Variants in DIAPH2 observed in about 807,000 individuals in gnomAD.
The protein encoded by DIAPH2 is diaphanous related formin 2, also known as protein diaphanous homolog 2.
Under a neutral mutation model 92.7 loss-of-function variants are expected in DIAPH2, and 35 were observed. The ratio of observed to expected loss-of-function variants is 0.38; its 90% CI spans 0.29 to 0.50. DIAPH2 has a LOEUF of 0.50. Among genes scored for constraint, DIAPH2 ranks in the 20% least tolerant of loss-of-function variants. The probability of loss-of-function intolerance (pLI) is 0.94; values close to 1 mark genes in which losing one functional copy is unlikely to be tolerated. For synonymous variants in DIAPH2, 301 were observed against 280.4 expected (o/e 1.07, Z -0.73); for missense variants, 701 against 819.5 (o/e 0.86, Z 1.77).
chrX:97,355,541 A>T (rs918470146), intron 24 of DIAPH2, among the ~76,000 whole-genome samples: 2 of 111,595 alleles, frequency 1.8e-5, no homozygotes, highest in Admixed American at 1.9e-4. Context: ...AATTTCTATT[A>T]GATGCCTCAT....
At chrX:96,893,679 C>G (rs190834299) in intron 5 of DIAPH2, among the ~76,000 whole-genome samples, 172 of 112,220 alleles carry the variant, frequency 1.5e-3, no homozygotes, top group Admixed American at 3.6e-3. Flanking sequence ...TTCTAGTAAT[C>G]TAACCTGCTA....
intron 22 of DIAPH2, 62 bp from the exon 23 acceptor site, chrX:97,247,653 T>C (rs2068153494): frequency 9.3e-6 from 10 of 1,074,498 alleles, no homozygotes; most frequent in South Asian, 7.1e-5. Context: ...TAATGTCTCC[T>C]TTTAGATGTT....
intron 23 of DIAPH2, among the ~76,000 whole-genome samples, chrX:97,339,399 C>T (rs761805740): frequency 9.0e-5 from 10 of 110,525 alleles, no homozygotes; most frequent in Non-Finnish European, 1.5e-4. Flanking sequence ...CCTGTAATCC[C>T]GGCTACATGG....
intron 22 of DIAPH2, among the ~76,000 whole-genome samples, chrX:97,155,391 C>T (rs757159680): frequency 2.7e-5 from 3 of 109,880 alleles, no homozygotes; most frequent in Admixed American, 9.7e-5. Flanking sequence ...ATCCCAGCTA[C>T]TCAGGAGGCT....
rs1314311083 is a variant in DIAPH2 at position 96,910,542 on chromosome X, T to A, written c.588-1786T>A. 4.5e-5 allele frequency among the ~76,000 whole-genome samples: 5 copies of A among 111,499 alleles called. 1 individual carries two copies. The highest frequency in any genetic ancestry group is 3.8e-4 in the Admixed American group (4 of 10,444). The stretch of plus-strand genomic sequence containing the variant: ...ATGGATAAAGACTGGAATGGAATGG[T>A]TTAAATATAGACAGCATAGATGTTA... On this transcript the variant is annotated intron_variant, in intron 5 of 26. Coordinates refer to ENST00000324765, the MANE Select transcript of DIAPH2 (RefSeq NM_006729.5).
chrX:96,957,798 G>A (rs757148861), intron 15 of DIAPH2, 30 bp from the exon 16 acceptor site: 17 of 1,018,021 alleles, frequency 1.7e-5, no homozygotes, highest in African/African-American at 3.8e-5. Flanking sequence ...TATTTTATAA[G>A]CATTTAAACT....
At chrX:96,838,257 G>A (rs2064912100) in intron 4 of DIAPH2, among the ~76,000 whole-genome samples, 1 of 111,587 alleles carries the variant, frequency 9.0e-6, no homozygotes, top group African/African-American at 3.3e-5. Context: ...TGTCCCTGAA[G>A]GTAATTTCTT....
chrX:97,141,757 T>C lies in DIAPH2; in HGVS notation c.2682T>C (p.Phe894=). The C allele has an allele frequency of 8.3e-7, 1 of 1,205,939 alleles. No individual in the cohort carries two copies. Among genetic ancestry groups the C allele is most frequent in the Non-Finnish European group, 1.1e-6 (1 of 893,505 alleles). Residue 894 remains phenylalanine (F), a synonymous_variant, in exon 22 of 27, where the codon TTT becomes TTC. Transcript: ENST00000324765. ...AAAAATATCGAGATATCCTAAAATT[T>C]CCTGAAGAACTGGAACACGTAGAAA... The part of the protein sequence containing the change: ...CEEKYRDILK[F]PEELEHVESA...
At chrX:96,939,896 C>T (rs2065692963) in intron 12 of DIAPH2, among the ~76,000 whole-genome samples, 1 of 83,593 alleles carries the variant, frequency 1.2e-5, no homozygotes, top group Non-Finnish European at 2.2e-5. Context: ...ATCTCCTGAC[C>T]TCGTGATCCG....
intron 26 of DIAPH2, among the ~76,000 whole-genome samples, chrX:97,475,494 C>G (rs950283404): frequency 1.8e-5 from 2 of 111,823 alleles, no homozygotes; most frequent in African/African-American, 3.2e-5. Context: ...GCAGACAAGG[C>G]CTGCTGCATC....
chrX:96,902,811 G>A (rs1184579239), intron 5 of DIAPH2, among the ~76,000 whole-genome samples: 1 of 111,388 alleles, frequency 9.0e-6, no homozygotes, highest in African/African-American at 3.3e-5. Context: ...ATAAAAACAA[G>A]AAAAGACTAA....
Position 96,735,771 on chromosome X carries a change from A to G in DIAPH2, c.146A>G (p.Lys49Arg). The G allele has an allele frequency of 9.0e-7, 1 of 1,105,620 alleles. No individual in the cohort carries two copies. Among genetic ancestry groups the G allele is most frequent in the African/African-American group, 1.8e-5 (1 of 54,362 alleles). 91.1% of individuals were successfully genotyped at this position (1,105,620 alleles called of 1,213,427 possible). The stretch of plus-strand genomic sequence containing the variant: ...TGGTTTTAATAGAACATTCAAATAA[A>G]AACTTTGGCAGATGATGTGGTAAGG... The part of the protein sequence containing the change: ...KNKPKLNIQI[K>R]TLADDVRDRI... The change falls in exon 2 of 27, where the codon AAA becomes AGA. Residue 49 changes from lysine (K) to arginine (R), a missense_variant. Physicochemically the swap from Lys to Arg is conservative, Grantham distance 26 (BLOSUM62 2). Coordinates refer to ENST00000324765, the MANE Select transcript of DIAPH2 (RefSeq NM_006729.5).
chrX:97,414,704 C>T (rs1326148201), intron 25 of DIAPH2, among the ~76,000 whole-genome samples: 1 of 104,242 alleles, frequency 9.6e-6, no homozygotes, highest in Non-Finnish European at 2.0e-5. Context: ...ACACCTTATA[C>T]AAAAATTAAT....
intron 25 of DIAPH2, among the ~76,000 whole-genome samples, chrX:97,389,307 A>G (rs1470524658): frequency 9.2e-6 from 1 of 109,011 alleles, no homozygotes; most frequent in Non-Finnish European, 1.9e-5. Flanking sequence ...TCTCTACTAA[A>G]AATACAAAAA....
At chrX:96,882,976 A>AAAAAAAC (rs2065227544) in intron 5 of DIAPH2, among the ~76,000 whole-genome samples, 1 of 52,022 alleles carries the variant, frequency 1.9e-5, no homozygotes, top group Non-Finnish European at 5.8e-5. Context: ...AAAAAAAAAA[A>AAAAAAAC]AAAAAAACAA....
At chrX:97,270,190 A>G (rs967722900) in intron 23 of DIAPH2, among the ~76,000 whole-genome samples, 1 of 109,933 alleles carries the variant, frequency 9.1e-6, no homozygotes. Context: ...CGGCCTCCCA[A>G]AGTGCTGAGA....
intron 23 of DIAPH2, among the ~76,000 whole-genome samples, chrX:97,308,820 A>G (rs1357153606): frequency 9.5e-6 from 1 of 105,109 alleles, no homozygotes; most frequent in African/African-American, 3.4e-5. Context: ...ACGGGGTTTC[A>G]CCATGTTAGC....
intron 22 of DIAPH2, among the ~76,000 whole-genome samples, chrX:97,154,459 A>G (rs1407251320): frequency 1.8e-5 from 2 of 112,018 alleles, no homozygotes; most frequent in Non-Finnish European, 3.8e-5. Context: ...GGGAAGGTCA[A>G]TTATTATAAT....
chrX:97,453,771 A>T (rs1001859983), intron 26 of DIAPH2, among the ~76,000 whole-genome samples: 9 of 112,077 alleles, frequency 8.0e-5, no homozygotes, highest in African/African-American at 2.9e-4. Context: ...TAAGTAAGTA[A>T]TTAGATCTTC....
Sources: gnomAD v4.1 joint callset for allele counts (sites outside exome capture counted in the v4.1 genomes callset) on GRCh38, gnomAD v4.1.1 for gene constraint, MANE v1.5 for transcripts, NCBI Gene and HGNC (gene_info 2026-07-23, HGNC 2026-07-21) for gene names.